PPP2R5C: variants seen among roughly 807,000 people sequenced by gnomAD.
PPP2R5C encodes serine/threonine-protein phosphatase 2A 56 kDa regulatory subunit gamma isoform.
Under a neutral mutation model 68.9 loss-of-function variants are expected in PPP2R5C, and 7 were observed. The observed-to-expected ratio is 0.10, with a 90% confidence interval of 0.06 to 0.19. The LOEUF (loss-of-function observed/expected upper bound fraction) is 0.19. Ranked by LOEUF, PPP2R5C falls within the 10% of genes least tolerant of loss-of-function variation. The pLI is 1.00. For missense variants in PPP2R5C, 348 were observed against 641.3 expected, an observed-to-expected ratio of 0.54 and a Z score of 4.94; for synonymous variants, 210 against 222.2, an observed-to-expected ratio of 0.95 and a Z score of 0.49.
intron 1 of PPP2R5C, chr14:101,818,978 A>T: frequency 6.6e-7 from 1 of 1,524,178 alleles, no homozygotes; most frequent in African/African-American, 1.4e-5. Context: ...TGAAAAAGTT[A>T]TGTTTCACTC....
At chr14:101,822,310 A>C (rs147054440) in intron 1 of PPP2R5C, among the ~76,000 whole-genome samples, 308 of 152,296 alleles carry the variant, frequency 2.0e-3, no homozygotes, top group South Asian at 7.0e-3. Context: ...GTTCCGATCT[A>C]ATCCCCCAAA....
chr14:101,844,333 C>A (rs2041689599), intron 1 of PPP2R5C, among the ~76,000 whole-genome samples: 1 of 152,086 alleles, frequency 6.6e-6, no homozygotes. Context: ...TGTCTCACCT[C>A]CCCAGAGATT....
chr14:101,812,089 T>G (rs2039395734), intron 1 of PPP2R5C, among the ~76,000 whole-genome samples: 1 of 152,212 alleles, frequency 6.6e-6, no homozygotes, highest in Admixed American at 6.5e-5. Flanking sequence ...AACGCTTGAT[T>G]TACTCATAAA....
intron 9 of PPP2R5C, among the ~76,000 whole-genome samples, chr14:101,903,974 A>G (rs1245427804): frequency 6.6e-6 from 1 of 151,886 alleles, no homozygotes; most frequent in Admixed American, 6.6e-5. Context: ...GCGCCAGCTC[A>G]TTCTTAACTT....
chr14:101,883,698 C>T, intron 5 of PPP2R5C, 136 bp downstream of exon 7: 2 of 1,185,038 alleles, frequency 1.7e-6, no homozygotes, highest in Non-Finnish European at 2.4e-6. Flanking sequence ...TTGTCATGTG[C>T]AGGTGGACCC....
chr14:101,912,420 G>A (rs774951347), exon 12 of PPP2R5C: 1 of 1,599,150 alleles, frequency 6.3e-7, no homozygotes, highest in Non-Finnish European at 8.5e-7. Flanking sequence ...AAAAATGAAA[G>A]AACGGGAAGA....
intron 10 of PPP2R5C, among the ~76,000 whole-genome samples, chr14:101,907,326 A>G (rs2046093590): frequency 6.6e-6 from 1 of 151,714 alleles, no homozygotes; most frequent in Non-Finnish European, 1.5e-5. Flanking sequence ...ACCCACCGCT[A>G]CGCCTGGCTA....
At chr14:101,773,559 T>C (rs1308433678) in intron 2 of PPP2R5C, among the ~76,000 whole-genome samples, 1 of 151,992 alleles carries the variant, frequency 6.6e-6, no homozygotes, top group Non-Finnish European at 1.5e-5. Context: ...AGGTGTTCAG[T>C]TGACTAAGGA....
chr14:101,761,326 C>T (rs1013091014), upstream of PPP2R5C, among the ~76,000 whole-genome samples: 1 of 152,120 alleles, frequency 6.6e-6, no homozygotes, highest in Non-Finnish European at 1.5e-5. Context: ...CTTGCGCCTC[C>T]ACAGCGGGCC....
At chr14:101,894,434 C>G (rs1039700482) in intron 7 of PPP2R5C, 73 bp from the exon 10 acceptor site, 4 of 1,442,040 alleles carry the variant, frequency 2.8e-6, no homozygotes, top group African/African-American at 2.8e-5. Flanking sequence ...AGGTGTTTAA[C>G]GATGATTCTA....
Position 101,836,101 on chromosome 14 carries a change from C to T in PPP2R5C, c.95-20585C>T, listed in dbSNP as rs541330881. ...TTTTTAATTACTTAAGGAAATTCCT[C>T]AATCCACAAGCAACAATAAATAAGA... On this transcript the variant is annotated intron_variant, in intron 1 of 13. Transcript: ENST00000334743. The T allele has an allele frequency of 8.2e-4, 523 of 637,772 alleles. 2 individuals carry two copies. Among genetic ancestry groups the T allele is most frequent in the South Asian group, 1.7e-3 (101 of 58,978 alleles). The allele number at this position is 637,772 out of a possible 1,614,324, so 39.5% of individuals were successfully genotyped here. A position where few individuals can be genotyped will look rare whatever the true frequency, so the allele number is the denominator to read the frequency against.
exon 7 of PPP2R5C, chr14:101,893,024 A>C (rs999683273): frequency 6.2e-7 from 1 of 1,606,836 alleles, no homozygotes. Context: ...TTGCCTTACC[A>C]CTAAAAGAAG....
chr14:101,856,837 T>C lies in PPP2R5C; in HGVS notation c.246T>C (p.His82=), dbSNP rs757322863. 3 of 1,614,040 alleles carry C rather than the reference T, an allele frequency of 1.9e-6. No homozygotes were observed. The Admixed American group carries it at 5.0e-5, about 27-fold the overall frequency. Residue 82 remains histidine (H), a synonymous_variant, in exon 2 of 14, where the codon CAT becomes CAC. Transcript: ENST00000334743. ...GTGAAATGGTAGAATATATCACCCATAATCGGAATGTGATCACAGAGCCTA... is the reference window on the plus strand; with the variant it reads ...GTGAAATGGTAGAATATATCACCCACAATCGGAATGTGATCACAGAGCCTA...
At chr14:101,792,054 T>G (rs1017236371) in intron 3 of PPP2R5C, among the ~76,000 whole-genome samples, 2 of 152,200 alleles carry the variant, frequency 1.3e-5, no homozygotes, top group Non-Finnish European at 2.9e-5. Flanking sequence ...GTTTGTTAAA[T>G]CAACCGACCC....
chr14:101,847,647 C>T (rs1372161991), intron 1 of PPP2R5C, among the ~76,000 whole-genome samples: 1 of 150,196 alleles, frequency 6.7e-6, no homozygotes, highest in Non-Finnish European at 1.5e-5. Flanking sequence ...GCTGTGTCCT[C>T]ATGGTTGGGG....
At chr14:101,765,144 T>A in intron 2 of PPP2R5C, 1 of 702,752 alleles carries the variant, frequency 1.4e-6, no homozygotes, top group South Asian at 1.5e-5. Context: ...TCTTTTTGTA[T>A]TTTTTCTAGT....
At chr14:101,881,500 G>T (rs2044168780) in intron 2 of PPP2R5C, among the ~76,000 whole-genome samples, 1 of 152,204 alleles carries the variant, frequency 6.6e-6, no homozygotes, top group Non-Finnish European at 1.5e-5. Flanking sequence ...TCACTGATCT[G>T]TCAGTATGTG....
At chr14:101,796,501 C>T (rs1026706460) in intron 3 of PPP2R5C, 2 of 152,678 alleles carry the variant, frequency 1.3e-5, no homozygotes, top group East Asian at 3.8e-4. Flanking sequence ...CCCTTGCCCT[C>T]AGGGAACCAG....
intron 3 of PPP2R5C, among the ~76,000 whole-genome samples, chr14:101,801,086 G>T (rs1181296405): frequency 6.6e-6 from 1 of 152,212 alleles, no homozygotes; most frequent in South Asian, 2.1e-4. Context: ...GATAGGGAGA[G>T]AGGGTGGTTA....
Sources: gnomAD v4.1 joint callset for allele counts (sites outside exome capture counted in the v4.1 genomes callset) on GRCh38, gnomAD v4.1.1 for gene constraint, MANE v1.5 for transcripts, NCBI Gene and HGNC (gene_info 2026-07-23, HGNC 2026-07-21) for gene names.